Variants in ITPR2 observed in about 807,000 individuals in gnomAD.
ITPR2 encodes inositol 1,4,5-trisphosphate receptor type 2.
Under a neutral mutation model 317.1 loss-of-function variants are expected in ITPR2, and 207 were observed. The observed-to-expected ratio is 0.65, with a 90% CI of 0.58 to 0.73. ITPR2 has a LOEUF of 0.73. Ranked by LOEUF, ITPR2 falls within the 30% of genes least tolerant of loss-of-function variation. ITPR2 has a pLI of 0.00. For synonymous variants in ITPR2, 1,156 were observed against 1,149.1 expected, an observed-to-expected ratio of 1.01 and a Z score of -0.12; for missense variants, 2,613 against 3,284.0, an observed-to-expected ratio of 0.80 and a Z score of 4.99.
At chr12:26,434,403 G>A (rs568127450) in intron 48 of ITPR2, among the ~76,000 whole-genome samples, 6 of 152,056 alleles carry the variant, frequency 3.9e-5, no homozygotes, top group Admixed American at 1.3e-4. Flanking sequence ...ACTATTATTG[G>A]CCAGGCAAGT....
At chr12:26,779,499 G>A (rs1043519916) in intron 2 of ITPR2, among the ~76,000 whole-genome samples, 2 of 152,126 alleles carry the variant, frequency 1.3e-5, no homozygotes, top group African/African-American at 4.8e-5. Flanking sequence ...ATGAGAAAGT[G>A]GCTCAAATGC....
At chr12:26,625,855 T>A (rs1416365863) in intron 23 of ITPR2, among the ~76,000 whole-genome samples, 1 of 152,202 alleles carries the variant, frequency 6.6e-6, no homozygotes, top group East Asian at 1.9e-4. Flanking sequence ...CCCTTTTTCT[T>A]GTGGGAAAGG....
chr12:26,364,884 G>A (rs375161884), intron 55 of ITPR2, among the ~76,000 whole-genome samples: 7 of 152,288 alleles, frequency 4.6e-5, no homozygotes, highest in African/African-American at 1.4e-4. Flanking sequence ...CACTGGGCCT[G>A]GACCTTTGTC....
intron 49 of ITPR2, among the ~76,000 whole-genome samples, chr12:26,427,098 G>T (rs1333811970): frequency 6.6e-6 from 1 of 152,006 alleles, no homozygotes; most frequent in Non-Finnish European, 1.5e-5. Context: ...TGTAGTAGGG[G>T]AGACTAGTCC....
chr12:26,646,203 C>T (rs183790889), intron 21 of ITPR2, among the ~76,000 whole-genome samples: 41 of 152,022 alleles, frequency 2.7e-4, no homozygotes, highest in African/African-American at 9.9e-4. Flanking sequence ...CAGTTTTGAA[C>T]TAAAAGAGAT....
Position 26,655,822 on chromosome 12 carries a change from A to C in ITPR2, c.2475T>G (p.Asn825Lys). Residue 825 changes from asparagine (N) to lysine (K), a missense_variant, in exon 20 of 57, where the codon AAT (asparagine) becomes AAG (lysine). Physicochemically the swap from Asn to Lys is moderately conservative, Grantham distance 94. Around this residue, in one of 9 missense-constraint regions of ITPR2, gnomAD observed 817 missense variants for 897.6 expected, o/e 0.91. Transcript: ENST00000381340. ...EYDSITDSSR[N>K]DMKRKFALTM... Reference sequence around the variant, plus strand: ...TCAGGGCAAATTTCCTCTTCATATCATTTCTGGAAGAGTCTGTTATAGAAT... The same window carrying C: ...TCAGGGCAAATTTCCTCTTCATATCCTTTCTGGAAGAGTCTGTTATAGAAT... 3.1e-6 allele frequency: 5 copies of C among 1,612,008 alleles called. No individual in the cohort carries two copies. The highest frequency in any genetic ancestry group is 4.2e-6 in the Non-Finnish European group (5 of 1,178,914).
intron 10 of ITPR2, 85 bp downstream of exon 10, chr12:26,695,521 A>C: frequency 8.4e-7 from 1 of 1,183,572 alleles, no homozygotes; most frequent in Non-Finnish European, 1.3e-6. Context: ...CCTAGTCTTC[A>C]AATTTGCTAT....
intron 37 of ITPR2, among the ~76,000 whole-genome samples, chr12:26,512,055 C>CTT (rs888675074): frequency 2.0e-5 from 3 of 152,136 alleles, no homozygotes; most frequent in Non-Finnish European, 4.4e-5. Flanking sequence ...TTTGCTCTTG[C>CTT]TTTACCTCTG....
At chr12:26,603,105 G>GA (rs1198043064) in intron 26 of ITPR2, among the ~76,000 whole-genome samples, 1 of 151,960 alleles carries the variant, frequency 6.6e-6, no homozygotes, top group African/African-American at 2.4e-5. Flanking sequence ...TGAACTGCAA[G>GA]AAAAAAAGAG....
intron 37 of ITPR2, among the ~76,000 whole-genome samples, chr12:26,516,013 A>G (rs1943479802): frequency 6.6e-6 from 1 of 150,724 alleles, no homozygotes; most frequent in Admixed American, 6.7e-5. Flanking sequence ...AATCCCATCT[A>G]CTTAGGAGGC....
At chr12:26,794,431 T>C (rs1176046427) in intron 1 of ITPR2, among the ~76,000 whole-genome samples, 3 of 152,258 alleles carry the variant, frequency 2.0e-5, no homozygotes, top group Non-Finnish European at 4.4e-5. Flanking sequence ...TAAGACACTT[T>C]ATTGCTGTCC....
chr12:26,483,798 C>T lies in ITPR2; in HGVS notation c.5912G>A (p.Gly1971Asp). The change falls in exon 42 of 57, where the codon GGC becomes GAC. Residue 1971 changes from glycine to aspartate, a missense_variant. By Grantham distance (94) the Gly-to-Asp change is moderately conservative (BLOSUM62 -1). This residue lies in a region of ITPR2 where 926 missense variants were observed against 1,072.8 expected (regional missense o/e 0.86). Transcript: ENST00000381340. ...CICGSTTGGLGLLGLYINEKN... is the reference protein window; with the variant it reads ...CICGSTTGGLDLLGLYINEKN... ...CTCATTGATGTAGAGACCCAACAGGCCCAGGCCACCGGTTGTACTTCCACA... is the reference window on the plus strand; with the variant it reads ...CTCATTGATGTAGAGACCCAACAGGTCCAGGCCACCGGTTGTACTTCCACA... The T allele has an allele frequency of 6.2e-7, 1 of 1,614,104 alleles. No homozygotes were observed. Among genetic ancestry groups the T allele is most frequent in the Non-Finnish European group, 8.5e-7 (1 of 1,179,958 alleles).
chr12:26,748,032 G>A (rs1302486273), intron 2 of ITPR2, among the ~76,000 whole-genome samples: 2 of 152,018 alleles, frequency 1.3e-5, no homozygotes, highest in Non-Finnish European at 1.5e-5. Context: ...CATTTTTCCA[G>A]GAAGGCTTTC....
intron 37 of ITPR2, among the ~76,000 whole-genome samples, chr12:26,507,213 T>C (rs1469846651): frequency 6.6e-6 from 1 of 152,168 alleles, no homozygotes; most frequent in Non-Finnish European, 1.5e-5. Flanking sequence ...TTAGAACTAA[T>C]GAAAAATAGA....
At position 26,715,777 on chromosome 12, in the gene ITPR2, G is replaced by T; in HGVS notation, c.683C>A (p.Ser228Tyr). ...WKITLFMKYSSYREDVLKGGD... is the reference protein window; with the variant it reads ...WKITLFMKYSYYREDVLKGGD... ...TCCTTTTAATACATCCTCTCGATAGGAACTATATTTCATGAATAAAGTGAT... is the reference window on the plus strand; with the variant it reads ...TCCTTTTAATACATCCTCTCGATAGTAACTATATTTCATGAATAAAGTGAT... Residue 228 changes from serine (S) to tyrosine (Y), a missense_variant, in exon 7 of 57, where the codon TCC becomes TAC. Coordinates refer to ENST00000381340, the MANE Select transcript of ITPR2 (RefSeq NM_002223.4). 2 of 1,606,688 alleles carry T rather than the reference G, an allele frequency of 1.2e-6. No homozygotes were observed. Among genetic ancestry groups the T allele is most frequent in the Middle Eastern group, 1.7e-4 (1 of 6,048 alleles).
rs2137323630 is a variant in ITPR2 at position 26,833,088 on chromosome 12, C to T, written c.-307G>A. On this transcript the variant is annotated 5_prime_UTR_variant, in exon 1 of 57. Coordinates refer to ENST00000381340, the MANE Select transcript of ITPR2 (RefSeq NM_002223.4). ...CTGTTCCTTTCTGAAGTTTTCTCTC[C>T]AACACCTTTGCTCCTCCTCCTCCTC... 1 of 359,274 alleles carries T rather than the reference C, an allele frequency of 2.8e-6. No individual in the cohort carries two copies. The highest frequency in any genetic ancestry group is 5.0e-6 in the Non-Finnish European group (1 of 200,128). The allele number at this position is 359,274 out of a possible 1,614,324, so 22.3% of individuals were successfully genotyped here. A position where few individuals can be genotyped will look rare whatever the true frequency, so the allele number is the denominator to read the frequency against.
intron 9 of ITPR2, among the ~76,000 whole-genome samples, chr12:26,709,888 G>A (rs1007955426): frequency 1.5e-4 from 23 of 152,138 alleles, no homozygotes; most frequent in African/African-American, 5.6e-4. Flanking sequence ...ATTTCATCTA[G>A]TTGAGCACTA....
chr12:26,338,341 T>C lies in ITPR2; in HGVS notation c.*1056A>G, dbSNP rs1234680068. 1 of 152,666 alleles carries C rather than the reference T, an allele frequency of 6.6e-6. No individual in the cohort carries two copies. Among genetic ancestry groups the C allele is most frequent in the African/African-American group, 2.4e-5 (1 of 41,464 alleles). The allele number at this position is 152,666 out of a possible 1,614,324, so 9.5% of individuals were successfully genotyped here. ...CCTTACAGATACAGTTTTAAATATG[T>C]AATTGAAATGTGGCATTTTCTTGAG... On this transcript the variant is annotated 3_prime_UTR_variant, in exon 57 of 57. Transcript: ENST00000381340.
At chr12:26,802,446 A>G (rs1351197349) in intron 1 of ITPR2, among the ~76,000 whole-genome samples, 1 of 151,970 alleles carries the variant, frequency 6.6e-6, no homozygotes, top group Non-Finnish European at 1.5e-5. Context: ...TCAGGAGTTC[A>G]AGACCAGCCT....
Sources: gnomAD v4.1 joint callset for allele counts (sites outside exome capture counted in the v4.1 genomes callset) on GRCh38, gnomAD v4.1.1 for gene constraint, gnomAD v4.1.1 regional missense constraint, MANE v1.5 for transcripts, NCBI Gene and HGNC (gene_info 2026-07-23, HGNC 2026-07-21) for gene names.